FAM178B: variants seen among roughly 807,000 people sequenced by gnomAD.
The protein encoded by FAM178B is family with sequence similarity 178 member B.
A neutral mutation model predicts 91.7 loss-of-function variants in FAM178B; 82 were observed. The observed-to-expected ratio is 0.89, with a 90% CI of 0.75 to 1.07. FAM178B has a LOEUF of 1.07. FAM178B is among the 50% of genes least tolerant of loss of function. FAM178B has a pLI of 0.00. For synonymous variants in FAM178B, 368 were observed against 359.4 expected (o/e 1.02, Z -0.27); for missense variants, 769 against 846.7 (o/e 0.91, Z 1.14).
At chr2:96,962,674 C>A (rs2082097927) in intron 5 of FAM178B, among the ~76,000 whole-genome samples, 1 of 152,108 alleles carries the variant, frequency 6.6e-6, no homozygotes, top group Admixed American at 6.5e-5. Flanking sequence ...TCTGCCTCTG[C>A]CCCAGGCTCA....
At chr2:96,941,485 G>A (rs1182554310) in intron 8 of FAM178B, among the ~76,000 whole-genome samples, 2 of 152,138 alleles carry the variant, frequency 1.3e-5, no homozygotes, top group African/African-American at 2.4e-5. Context: ...AGGCCTGTAC[G>A]GAAACCCAAG....
Position 96,912,181 on chromosome 2 carries a change from G to A in FAM178B, c.1562+8984C>T, listed in dbSNP as rs2081170079. On this transcript the variant is annotated intron_variant, in intron 12 of 16. Transcript: ENST00000490605. Reference sequence around the variant, plus strand: ...CAGCTGACCCCACAAGGACTCCGGAGCCAGCAGGGTCCTTCGGAGACATCC... The same window carrying A: ...CAGCTGACCCCACAAGGACTCCGGAACCAGCAGGGTCCTTCGGAGACATCC... Among the ~76,000 whole-genome samples the A allele has an allele frequency of 2.0e-5, 3 of 152,174 alleles. No individual in the cohort carries two copies. The South Asian group carries it at 6.2e-4, about 32-fold the overall frequency.
In FAM178B at chr2:96,972,210, A is replaced by G. The variant is rs888076144; in HGVS notation, c.255T>C (p.Pro85=). 5 of 1,543,378 alleles carry G rather than the reference A, an allele frequency of 3.2e-6. No homozygotes were observed. Among genetic ancestry groups the G allele is most frequent in the Non-Finnish European group, 4.4e-6 (5 of 1,143,612 alleles). ...PRCPARRPCS[P]ASAPAPTSPK... ...GCGATGTGGGAGCTGGAGCCGAGGC[A>G]GGGCTGCAGGGCCGCCGGGCAGGGC... The change falls in exon 3 of 17, where the codon CCT becomes CCC. Residue 85 remains proline (P), a synonymous_variant. Coordinates refer to ENST00000490605, the MANE Select transcript of FAM178B (RefSeq NM_001122646.3).
At chr2:96,935,763 G>A (rs11897551) in intron 8 of FAM178B, among the ~76,000 whole-genome samples, 30,061 of 130,930 alleles carry the variant, frequency 0.23, 7,324 homozygotes, top group African/African-American at 0.65. Context: ...CCTCTCAAGT[G>A]GCTGGGACTA....
chr2:96,938,969 G>A (rs935989652), intron 8 of FAM178B: 1 of 152,426 alleles, frequency 6.6e-6, no homozygotes, highest in African/African-American at 2.4e-5. Context: ...CTGGGAGGCT[G>A]AGGTGGGTGG....
rs185419101 is a variant in FAM178B at position 96,954,098 on chromosome 2, C to A, written c.888-2614G>T. On this transcript the variant is annotated intron_variant, in intron 6 of 16. Transcript: ENST00000490605. ...TCCACGGCCAAGCCAATGCTGAGGTCCGAAGTTATCCTGAGAATGTTGGAG... is the reference window on the plus strand; with the variant it reads ...TCCACGGCCAAGCCAATGCTGAGGTACGAAGTTATCCTGAGAATGTTGGAG... Among the ~76,000 whole-genome samples the A allele has an allele frequency of 8.9e-4, 136 of 152,300 alleles. 1 individual carries two copies. The highest frequency in any genetic ancestry group is 3.2e-3 in the African/African-American group (133 of 41,570).
intron 9 of FAM178B, among the ~76,000 whole-genome samples, 188 bp downstream of exon 9, chr2:96,929,018 C>T (rs933760408): frequency 6.6e-6 from 1 of 152,100 alleles, no homozygotes; most frequent in South Asian, 2.1e-4. Flanking sequence ...ATTCGCCAGG[C>T]GTGGTGGTGC....
At chr2:96,892,491 G>C (rs2080706390) in intron 14 of FAM178B, among the ~76,000 whole-genome samples, 1 of 152,274 alleles carries the variant, frequency 6.6e-6, no homozygotes. Context: ...GCCAACCAGG[G>C]GGAGGCTTTC....
chr2:96,979,642 A>G (rs1476446445), intron 1 of FAM178B, among the ~76,000 whole-genome samples: 2 of 152,210 alleles, frequency 1.3e-5, no homozygotes, highest in Non-Finnish European at 2.9e-5. Context: ...CTTCAGGAAG[A>G]TACCCAGTAG....
chr2:96,920,599 C>CAAG lies in FAM178B; in HGVS notation c.1562+563_1562+565dup, dbSNP rs563257303. ...TGGGTGACAGAGCAAGACTCTGTCT[C>CAAG]AAGAAGAAGAAAAAAAAAATTTACA... On this transcript the variant is annotated intron_variant, in intron 12 of 16. Coordinates refer to ENST00000490605, the MANE Select transcript of FAM178B (RefSeq NM_001122646.3). Among the ~76,000 whole-genome samples the CAAG allele has an allele frequency of 8.7e-4, 131 of 151,382 alleles. 1 individual carries two copies. The highest frequency in any genetic ancestry group is 1.0e-3 in the Non-Finnish European group (70 of 67,890).
At position 96,914,147 on chromosome 2, in the gene FAM178B, C is replaced by T. The variant is rs560436520; in HGVS notation, c.1562+7018G>A. Among the ~76,000 whole-genome samples, 8 of 152,314 alleles carry T rather than the reference C, an allele frequency of 5.3e-5. No homozygotes were observed. The South Asian group carries it at 1.7e-3, about 32-fold the overall frequency. On this transcript the variant is annotated intron_variant, in intron 12 of 16. Transcript: ENST00000490605. ...ACGGGGCCCTCCCGCCCAGGGAGCT[C>T]ATACTCATGGGGAGGGCTGGTCATA...
chr2:96,929,170 G>C lies in FAM178B; in HGVS notation c.1193+36C>G, dbSNP rs1203931946. On this transcript the variant is annotated intron_variant, in intron 9 of 16. Transcript: ENST00000490605. ...AGAGACCCTGTCTCTTAAAAAATAT[G>C]AAAGAAAAAGGCAGTGAGGAAGCAG... 6 of 1,397,656 alleles carry C rather than the reference G, an allele frequency of 4.3e-6. No individual in the cohort carries two copies. The East Asian group carries it at 1.5e-4, about 35-fold the overall frequency. The allele number at this position is 1,397,656 out of a possible 1,614,324, so 86.6% of individuals were successfully genotyped here.
chr2:96,884,885 G>A (rs552997712), intron 14 of FAM178B, among the ~76,000 whole-genome samples: 6 of 152,346 alleles, frequency 3.9e-5, no homozygotes, highest in East Asian at 3.9e-4. Flanking sequence ...ACAGGTCGCC[G>A]GTCATAAGCC....
intron 1 of FAM178B, among the ~76,000 whole-genome samples, chr2:96,980,867 C>T (rs1014931663): frequency 6.6e-6 from 1 of 152,046 alleles, no homozygotes; most frequent in African/African-American, 2.4e-5. Context: ...GTCTATTGCC[C>T]ATTTTAGATC....
At chr2:96,903,031 CTTATTTTATT>C (rs536160571) in intron 12 of FAM178B, among the ~76,000 whole-genome samples, 1 of 144,502 alleles carries the variant, frequency 6.9e-6, no homozygotes, top group African/African-American at 2.7e-5. Flanking sequence ...CACTGAACTG[CTTATTTTATT>C]TTATTTTATT....
chr2:96,898,138 C>T (rs1409658564), intron 13 of FAM178B: 1 of 984,716 alleles, frequency 1.0e-6, no homozygotes, highest in African/African-American at 1.7e-5. Context: ...CCTGTGCCCC[C>T]TTTTACAGTG....
intron 12 of FAM178B, among the ~76,000 whole-genome samples, chr2:96,908,809 C>T (rs1262810367): frequency 6.6e-6 from 1 of 152,056 alleles, no homozygotes; most frequent in African/African-American, 2.4e-5. Context: ...TTCTCATCTC[C>T]CTCTTTGTAT....
intron 12 of FAM178B, among the ~76,000 whole-genome samples, chr2:96,914,713 A>G (rs892059048): frequency 2.0e-5 from 3 of 152,044 alleles, no homozygotes; most frequent in Non-Finnish European, 2.9e-5. Context: ...ACACAGGGAG[A>G]TCCTGTCTCT....
At chr2:96,894,200 G>A (rs1475683695) in intron 13 of FAM178B, 149 bp from the exon 14 acceptor site, 8 of 833,654 alleles carry the variant, frequency 9.6e-6, no homozygotes, top group Non-Finnish European at 1.5e-5. Context: ...CTTATGAACT[G>A]TGGCCTCTCG....
Sources: allele counts gnomAD v4.1 joint callset (sites outside exome capture counted in the v4.1 genomes callset), GRCh38; gene constraint gnomAD v4.1.1; transcripts MANE v1.5; gene names NCBI Gene and HGNC (gene_info 2026-07-23, HGNC 2026-07-21).